The following DAW1 variants were observed in gnomAD, a reference collection of about 807,000 sequenced individuals.
DAW1 encodes the protein dynein assembly factor with WD repeat domains 1.
In DAW1, 47 loss-of-function variants were observed where a neutral mutation model predicts 56.5. The observed-to-expected ratio is 0.83, with a 90% CI of 0.66 to 1.06. The LOEUF is 1.06. Ranked by LOEUF, DAW1 falls within the 50% of genes least tolerant of loss-of-function variation. The pLI, the probability that DAW1 is intolerant of heterozygous loss-of-function variation, is 0.00. For synonymous variants in DAW1, 190 were observed against 179.0 expected (o/e 1.06, Z -0.49); for missense variants, 505 against 499.3 (o/e 1.01, Z -0.11).
At chr2:227,889,618 T>C in intron 2 of DAW1, 1 of 338,602 alleles carries the variant, frequency 3.0e-6, no homozygotes, top group Non-Finnish European at 5.3e-6. Context: ...AAACAAGCCT[T>C]AGCTTTGGAA....
chr2:227,890,047 T>C (rs1691226250), intron 3 of DAW1, 47 bp downstream of exon 3: 1 of 1,455,982 alleles, frequency 6.9e-7, no homozygotes, highest in African/African-American at 1.5e-5. Context: ...AGTGAAATGA[T>C]TGATATTTTA....
chr2:227,877,967 A>G (rs1690921240), intron 1 of DAW1, among the ~76,000 whole-genome samples: 1 of 152,254 alleles, frequency 6.6e-6, no homozygotes, highest in Non-Finnish European at 1.5e-5. Flanking sequence ...CTCCAGATCC[A>G]TTTGTACAGC....
At chr2:227,900,102 A>T (rs1302614657) in intron 6 of DAW1, among the ~76,000 whole-genome samples, 1 of 152,234 alleles carries the variant, frequency 6.6e-6, no homozygotes, top group Non-Finnish European at 1.5e-5. Flanking sequence ...TTTGAGAGGC[A>T]CTGTCCTAAG....
intron 11 of DAW1, among the ~76,000 whole-genome samples, chr2:227,919,395 G>A (rs1331341900): frequency 6.6e-6 from 1 of 152,038 alleles, no homozygotes; most frequent in East Asian, 1.9e-4. Flanking sequence ...GTATGGAACA[G>A]CATTCGCCTC....
rs1162712241 is a variant in DAW1 at position 227,917,142 on chromosome 2, A to ATCTATCTATCTGTCTG, written c.974-1635_974-1634insATCTATCTGTCTGTCT. Among the ~76,000 whole-genome samples the ATCTATCTATCTGTCTG allele has an allele frequency of 1.8e-3, 247 of 138,514 alleles. 3 individuals carry two copies. The highest frequency in any genetic ancestry group is 7.0e-3 in the Middle Eastern group (2 of 286). The allele number at this position is 138,514 out of a possible 152,430, so 90.9% of individuals were successfully genotyped here. ...TATCTATCTATCTATCTATCTATCT[A>ATCTATCTATCTGTCTG]TCTGTCTGTCTGTCTGTCTGTCTGT... On this transcript the variant is annotated intron_variant, in intron 10 of 12. Coordinates refer to ENST00000309931, the MANE Select transcript of DAW1 (RefSeq NM_178821.3).
intron 12 of DAW1, among the ~76,000 whole-genome samples, 185 bp downstream of exon 12, chr2:227,921,746 G>T (rs531267062): frequency 6.6e-6 from 1 of 152,124 alleles, no homozygotes; most frequent in Non-Finnish European, 1.5e-5. Context: ...AGGAGTGAGC[G>T]CTGCCATTGA....
chr2:227,898,222 C>A lies in DAW1; in HGVS notation c.481C>A (p.Leu161Ile), dbSNP rs1004347443. The part of the protein sequence containing the change: ...ATGSFDKTCK[L>I]WSVETGKCYH... ...TGGGTCCTTTGATAAAACTTGTAAACTCTGGAGTGTGGAAACAGGAAAATG... is the reference window on the plus strand; with the variant it reads ...TGGGTCCTTTGATAAAACTTGTAAAATCTGGAGTGTGGAAACAGGAAAATG... The change falls in exon 6 of 13, where the codon CTC becomes ATC. Residue 161 changes from leucine to isoleucine, a missense_variant. Transcript: ENST00000309931. 7 of 1,579,274 alleles carry A rather than the reference C, an allele frequency of 4.4e-6. No individual in the cohort carries two copies. The African/African-American group carries it at 9.4e-5, about 21-fold the overall frequency.
intron 12 of DAW1, among the ~76,000 whole-genome samples, chr2:227,922,144 C>A (rs1279632598): frequency 6.6e-6 from 1 of 152,136 alleles, no homozygotes; most frequent in Non-Finnish European, 1.5e-5. Context: ...CAGAGTAAGA[C>A]CCTGTCTCAA....
At chr2:227,903,803 T>C (rs2106204461) in intron 7 of DAW1, among the ~76,000 whole-genome samples, 1 of 152,180 alleles carries the variant, frequency 6.6e-6, no homozygotes, top group East Asian at 1.9e-4. Context: ...CTTTCAAAAT[T>C]ATAAGTACAT....
At chr2:227,914,214 A>G (rs1030770300) in intron 10 of DAW1, among the ~76,000 whole-genome samples, 6 of 151,988 alleles carry the variant, frequency 3.9e-5, no homozygotes, top group Non-Finnish European at 5.9e-5. Flanking sequence ...TTCATCATCT[A>G]TGATCCTGTA....
At chr2:227,901,304 G>C (rs1342483858) in intron 6 of DAW1, among the ~76,000 whole-genome samples, 1 of 152,154 alleles carries the variant, frequency 6.6e-6, no homozygotes, top group Non-Finnish European at 1.5e-5. Context: ...GTGCATAAAA[G>C]AGGAGCAGGT....
chr2:227,916,250 T>C (rs972870769), intron 10 of DAW1, among the ~76,000 whole-genome samples: 4 of 152,172 alleles, frequency 2.6e-5, no homozygotes, highest in African/African-American at 9.7e-5. Context: ...ATTTATACTA[T>C]GTTTACATCA....
intron 1 of DAW1, among the ~76,000 whole-genome samples, chr2:227,877,934 A>G (rs543504080): frequency 6.6e-6 from 1 of 152,356 alleles, no homozygotes; most frequent in East Asian, 1.9e-4. Flanking sequence ...TCAAACGTAC[A>G]TGTTTCAATT....
chr2:227,912,275 C>A (rs1194917965), intron 10 of DAW1: 1 of 756,904 alleles, frequency 1.3e-6, no homozygotes, highest in Admixed American at 2.4e-5. Flanking sequence ...CTCTGTCGCC[C>A]AGGCTGGAGT....
chr2:227,900,538 C>A (rs1356014295), intron 6 of DAW1, among the ~76,000 whole-genome samples: 1 of 152,072 alleles, frequency 6.6e-6, no homozygotes, highest in East Asian at 1.9e-4. Flanking sequence ...TCAGTGTGGA[C>A]ACAGAGGGAG....
At chr2:227,894,004 T>C in intron 5 of DAW1, 87 bp downstream of exon 5, 7 of 1,383,928 alleles carry the variant, frequency 5.1e-6, no homozygotes, top group Non-Finnish European at 6.7e-6. Flanking sequence ...AGACAAGAGG[T>C]CTAAATTTAT....
At chr2:227,922,362 G>A (rs896928131) in intron 12 of DAW1, among the ~76,000 whole-genome samples, 1 of 152,286 alleles carries the variant, frequency 6.6e-6, no homozygotes, top group Non-Finnish European at 1.5e-5. Context: ...AATAATATTA[G>A]CAACATTTCA....
rs11894733 is a variant in DAW1, at chr2:227,885,390, C to T, written c.80C>T (p.Thr27Ile). The T allele has an allele frequency of 9.3e-3, 14,828 of 1,601,760 alleles. 1,218 individuals carry two copies. The African/African-American group carries it at 0.18, about 19-fold the overall frequency. ...TATGAAAAACATGGAGAATTAAAGA[C>T]TAAGTCCATAGATTTGCTTGATCTT... Reference protein sequence around the residue: ...LEYEKHGELKTKSIDLLDLGP... With the variant: ...LEYEKHGELKIKSIDLLDLGP... Residue 27 changes from threonine (T) to isoleucine (I), a missense_variant, in exon 2 of 13, where the codon ACT becomes ATT. Transcript: ENST00000309931.
intron 6 of DAW1, among the ~76,000 whole-genome samples, chr2:227,900,682 C>T (rs966433081): frequency 2.4e-4 from 36 of 152,178 alleles, no homozygotes; most frequent in African/African-American, 8.7e-4. Flanking sequence ...GTGCCTGAAA[C>T]TCAGGTGGCT....
Sources: allele counts gnomAD v4.1 joint callset (sites outside exome capture counted in the v4.1 genomes callset), GRCh38; gene constraint gnomAD v4.1.1; transcripts MANE v1.5; gene names NCBI Gene and HGNC (gene_info 2026-07-23, HGNC 2026-07-21).